DIAPH2: variants seen among roughly 807,000 people sequenced by gnomAD.
DIAPH2 encodes protein diaphanous homolog 2.
DIAPH2 carries 35 observed loss-of-function variants against 92.7 expected under a neutral mutation model. That is an observed-to-expected ratio of 0.38 (90% CI 0.29 to 0.50). DIAPH2 has a LOEUF of 0.50. Among genes scored for constraint, DIAPH2 ranks in the 20% least tolerant of loss-of-function variants. The pLI, the probability that DIAPH2 is intolerant of heterozygous loss-of-function variation, is 0.94. For synonymous variants in DIAPH2, 301 were observed against 280.4 expected (o/e 1.07, Z -0.73); for missense variants, 701 against 819.5 (o/e 0.86, Z 1.77).
chrX:97,334,993 C>CGAAACAAAAA (rs2069041611), intron 23 of DIAPH2, among the ~76,000 whole-genome samples: 3 of 6,631 alleles, frequency 4.5e-4, no homozygotes, highest in Non-Finnish European at 1.4e-3. Flanking sequence ...AAAACAAAAA[C>CGAAACAAAAA]AAAACAAAAA....
intron 22 of DIAPH2, among the ~76,000 whole-genome samples, chrX:97,142,962 A>G (rs2067218102): frequency 8.9e-6 from 1 of 111,959 alleles, no homozygotes; most frequent in Non-Finnish European, 1.9e-5. Flanking sequence ...CATCTCAGCC[A>G]GTTGGGTATT....
At chrX:97,171,736 C>A (rs1188972142) in intron 22 of DIAPH2, among the ~76,000 whole-genome samples, 1 of 111,572 alleles carries the variant, frequency 9.0e-6, no homozygotes, top group Non-Finnish European at 1.9e-5. Flanking sequence ...GTCAGGAGAT[C>A]GAGACCATCC....
intron 20 of DIAPH2, among the ~76,000 whole-genome samples, chrX:97,108,911 T>C (rs190288167): frequency 9.0e-6 from 1 of 111,619 alleles, no homozygotes; most frequent in African/African-American, 3.3e-5. Context: ...CCCGGTTTCT[T>C]CATACTGACA....
At chrX:97,141,311 T>C (rs746852545) in intron 21 of DIAPH2, among the ~76,000 whole-genome samples, 2 of 111,550 alleles carry the variant, frequency 1.8e-5, no homozygotes, top group Non-Finnish European at 3.8e-5. Context: ...ATTTTTGTAA[T>C]AAAGCAAAGA....
At chrX:97,490,805 C>CT (rs1055834373) in intron 26 of DIAPH2, among the ~76,000 whole-genome samples, 7 of 111,093 alleles carry the variant, frequency 6.3e-5, no homozygotes, top group African/African-American at 1.3e-4. Context: ...TTCGTTGAGA[C>CT]TTTTTTTGTG....
chrX:97,441,063 T>C (rs193135522), intron 26 of DIAPH2, among the ~76,000 whole-genome samples: 370 of 111,788 alleles, frequency 3.3e-3, no homozygotes, highest in African/African-American at 0.011. Context: ...TAGAAATTCA[T>C]TGGTGACCTT....
In DIAPH2 at chrX:97,181,046, T is replaced by C. The variant is rs895154943; in HGVS notation, c.2719+39252T>C. Among the ~76,000 whole-genome samples, 3 of 111,375 alleles carry C rather than the reference T, an allele frequency of 2.7e-5. No homozygotes were observed. The Admixed American group carries it at 2.9e-4, about 11-fold the overall frequency. On this transcript the variant is annotated intron_variant, in intron 22 of 26. Coordinates refer to ENST00000324765, the MANE Select transcript of DIAPH2 (RefSeq NM_006729.5). ...GTTTTTTCTAATTCTATGAAGAATG[T>C]CAATGGCAGTTTTGTTGTTGTTGTT... is the stretch of plus-strand genomic sequence containing the variant.
intron 1 of DIAPH2, among the ~76,000 whole-genome samples, chrX:96,719,391 TTTTCTTGTAACAG>T (rs1732028717): frequency 8.9e-6 from 1 of 112,389 alleles, no homozygotes; most frequent in Non-Finnish European, 1.9e-5. Flanking sequence ...TTCCCCAATG[TTTTCTTGTAACAG>T]TTTCATAATT....
intron 1 of DIAPH2, among the ~76,000 whole-genome samples, chrX:96,708,194 C>T (rs1227253609): frequency 1.9e-5 from 2 of 107,815 alleles, no homozygotes; most frequent in Non-Finnish European, 3.8e-5. Context: ...GTACCCCTCC[C>T]CTCAGGTGAC....
intron 16 of DIAPH2, among the ~76,000 whole-genome samples, chrX:96,963,418 C>T (rs751394738): frequency 3.6e-5 from 4 of 110,669 alleles, no homozygotes; most frequent in Non-Finnish European, 7.6e-5. Context: ...CCATACTGCA[C>T]CTGCTTTGGT....
At position 97,369,475 on chromosome X, in the gene DIAPH2, AT is replaced by A. The variant is rs1285207160; in HGVS notation, c.3010-14431del. Among the ~76,000 whole-genome samples the A allele has an allele frequency of 1.7e-4, 8 of 47,906 alleles. 1 individual carries two copies. The highest frequency in any genetic ancestry group is 7.4e-5 in the Non-Finnish European group (1 of 13,491). The allele number at this position is 47,906 out of a possible 115,157, so 41.6% of individuals were successfully genotyped here. A position where few individuals can be genotyped will look rare whatever the true frequency, so the allele number is the denominator to read the frequency against. ...AATATTACCTAGTGGCGTGAGGTTAATTTAAGGACCACCATGACCACTAAGT... is the reference window on the plus strand; with the variant it reads ...AATATTACCTAGTGGCGTGAGGTTAATTAAGGACCACCATGACCACTAAGT... On this transcript the variant is annotated intron_variant, in intron 24 of 26. Coordinates refer to ENST00000324765, the MANE Select transcript of DIAPH2 (RefSeq NM_006729.5).
intron 25 of DIAPH2, among the ~76,000 whole-genome samples, chrX:97,390,924 T>G (rs2069652967): frequency 8.9e-6 from 1 of 112,206 alleles, no homozygotes; most frequent in African/African-American, 3.2e-5. Context: ...GATTTATTTT[T>G]TATGTTTTAG....
chrX:97,231,456 T>TA (rs2068009029), intron 22 of DIAPH2, among the ~76,000 whole-genome samples: 1 of 111,194 alleles, frequency 9.0e-6, no homozygotes, highest in African/African-American at 3.3e-5. Context: ...ATATGGTAAG[T>TA]AAACAGTATG....
At chrX:97,132,059 C>T (rs754645654) in intron 21 of DIAPH2, among the ~76,000 whole-genome samples, 4 of 111,612 alleles carry the variant, frequency 3.6e-5, no homozygotes, top group East Asian at 2.8e-4. Flanking sequence ...CCTGCTGGTC[C>T]GGAAGGTGGC....
At chrX:96,701,322 A>G (rs1175395877) in intron 1 of DIAPH2, among the ~76,000 whole-genome samples, 1 of 111,720 alleles carries the variant, frequency 9.0e-6, no homozygotes, top group East Asian at 2.8e-4. Flanking sequence ...CTCATGGCCT[A>G]ATGAGAAAAG....
chrX:97,275,493 C>G (rs1256561798), intron 23 of DIAPH2, among the ~76,000 whole-genome samples: 34 of 104,292 alleles, frequency 3.3e-4, no homozygotes, highest in Non-Finnish European at 5.8e-4. Flanking sequence ...GGGCGGCTGC[C>G]GGGCGGAGGG....
chrX:97,016,399 A>C (rs1371612065), intron 17 of DIAPH2, among the ~76,000 whole-genome samples: 1 of 112,262 alleles, frequency 8.9e-6, no homozygotes, highest in Non-Finnish European at 1.9e-5. Context: ...CCAAGGTTGC[A>C]TCATCAGAGT....
chrX:96,814,313 A>T (rs1323105900), intron 4 of DIAPH2, among the ~76,000 whole-genome samples: 1 of 111,271 alleles, frequency 9.0e-6, no homozygotes, highest in African/African-American at 3.3e-5. Flanking sequence ...CCCTTGATCG[A>T]ATCATGTGTT....
chrX:97,138,292 A>T (rs745453783), intron 21 of DIAPH2, among the ~76,000 whole-genome samples: 95 of 112,059 alleles, frequency 8.5e-4, no homozygotes, highest in Non-Finnish European at 1.4e-3. Context: ...TTTGCTATAT[A>T]CCTAACTAAA....
Sources: gnomAD v4.1 joint callset for allele counts (sites outside exome capture counted in the v4.1 genomes callset) on GRCh38, gnomAD v4.1.1 for gene constraint, MANE v1.5 for transcripts, NCBI Gene and HGNC (gene_info 2026-07-23, HGNC 2026-07-21) for gene names.